The following NCOR2 variants were observed in gnomAD, a reference collection of about 807,000 sequenced individuals.
NCOR2 encodes the protein nuclear receptor corepressor 2, also known as CTG repeat protein 26.
NCOR2 carries 81 observed loss-of-function variants against 262.9 expected under a neutral mutation model. The ratio of observed to expected loss-of-function variants is 0.31; its 90% CI spans 0.26 to 0.37. The LOEUF (loss-of-function observed/expected upper bound fraction) is 0.37. NCOR2 is among the 10% of genes least tolerant of loss of function. The pLI is 1.00. For synonymous variants in NCOR2, 1,659 were observed against 1,559.3 expected, an observed-to-expected ratio of 1.06 and a Z score of -1.51; for missense variants, 3,385 against 3,621.4, an observed-to-expected ratio of 0.93 and a Z score of 1.68.
intron 6 of NCOR2, among the ~76,000 whole-genome samples, chr12:124,451,400 AATC>A (rs1191335603): frequency 1.3e-5 from 2 of 152,206 alleles, no homozygotes; most frequent in Non-Finnish European, 2.9e-5. Context: ...TAACTGATAC[AATC>A]ATCCCCCACT....
intron 18 of NCOR2, among the ~76,000 whole-genome samples, chr12:124,377,905 G>C (rs2040140076): frequency 6.6e-6 from 1 of 152,072 alleles, no homozygotes; most frequent in East Asian, 1.9e-4. Context: ...CATCGGATGG[G>C]GTGAAAGACA....
chr12:124,339,129 ACCCAC>A lies in NCOR2; in HGVS notation c.5687+872_5687+876del, dbSNP rs1327309902. ...ACCTACCTACCTACTTAACCCAACC[ACCCAC>A]CCACCCATCCATCCATCCACCCAGT... On this transcript the variant is annotated intron_variant, in intron 37 of 46. Transcript: ENST00000405201. 9.2e-3 allele frequency among the ~76,000 whole-genome samples: 21 copies of A among 2,284 alleles called. No homozygotes were observed. In the East Asian group the frequency reaches 0.34, roughly 38 times the overall value. 1.5% of individuals were successfully genotyped at this position (2,284 alleles called of 152,430 possible). A position where few individuals can be genotyped will look rare whatever the true frequency, so the allele number is the denominator to read the frequency against.
chr12:124,411,142 G>A (rs1046257317), intron 13 of NCOR2, among the ~76,000 whole-genome samples: 2 of 151,796 alleles, frequency 1.3e-5, no homozygotes, highest in Non-Finnish European at 2.9e-5. Flanking sequence ...GAAAGAGAGA[G>A]AGACGGGAAA....
At chr12:124,427,266 G>A (rs1464131364) in intron 10 of NCOR2, among the ~76,000 whole-genome samples, 3 of 152,146 alleles carry the variant, frequency 2.0e-5, no homozygotes, top group Non-Finnish European at 4.4e-5. Flanking sequence ...CGCCTCGCTG[G>A]TGGAGAGGTC....
At chr12:124,436,088 G>A (rs746602614) in intron 8 of NCOR2, among the ~76,000 whole-genome samples, 13 of 152,218 alleles carry the variant, frequency 8.5e-5, no homozygotes, top group South Asian at 6.2e-4. Context: ...GACAGGGCCC[G>A]TGTCACAGCA....
chr12:124,427,506 G>A (rs1262115906), intron 10 of NCOR2, among the ~76,000 whole-genome samples: 1 of 152,228 alleles, frequency 6.6e-6, no homozygotes, highest in African/African-American at 2.4e-5. Flanking sequence ...AGGTAGGCGA[G>A]GACTCCGCGT....
intron 10 of NCOR2, among the ~76,000 whole-genome samples, chr12:124,427,984 C>T (rs2043653473): frequency 6.6e-6 from 1 of 151,866 alleles, no homozygotes; most frequent in Non-Finnish European, 1.5e-5. Flanking sequence ...CCACCCTTCA[C>T]CCCGGACACA....
chr12:124,375,866 C>T (rs1349843996), intron 18 of NCOR2, among the ~76,000 whole-genome samples: 2 of 152,212 alleles, frequency 1.3e-5, no homozygotes, highest in Non-Finnish European at 2.9e-5. Flanking sequence ...CAACAAGACG[C>T]TTTCCACTGC....
Position 124,479,871 on chromosome 12 carries a change from C to T in NCOR2, c.411+3725G>A, listed in dbSNP as rs113822913. Among the ~76,000 whole-genome samples the T allele has an allele frequency of 3.3e-5, 5 of 152,326 alleles. 2 individuals are homozygous for T. Among genetic ancestry groups the T allele is most frequent in the African/African-American group, 1.2e-4 (5 of 41,574 alleles). ...TGCCTGGGCCTGAATCCCGTTCCCCCACGTCCAGCTCGCTCAGCCTGGGGC... is the reference window on the plus strand; with the variant it reads ...TGCCTGGGCCTGAATCCCGTTCCCCTACGTCCAGCTCGCTCAGCCTGGGGC... On this transcript the variant is annotated intron_variant, in intron 3 of 46. Coordinates refer to ENST00000405201, the Ensembl canonical transcript of NCOR2.
chr12:124,344,537 G>A, intron 32 of NCOR2, 60 bp downstream of exon 34: 1 of 1,364,328 alleles, frequency 7.3e-7, no homozygotes. Context: ...GGTGGATGGG[G>A]AGGCACAGCT....
At position 124,443,756 on chromosome 12, in the gene NCOR2, C is replaced by T. The variant is rs1004523075; in HGVS notation, c.816-5760G>A. Among the ~76,000 whole-genome samples the T allele has an allele frequency of 2.0e-5, 3 of 152,210 alleles. No homozygotes were observed. Among genetic ancestry groups the T allele is most frequent in the Admixed American group, 6.5e-5 (1 of 15,288 alleles). On this transcript the variant is annotated intron_variant, in intron 7 of 46. Transcript: ENST00000405201. The surrounding 1 kb of genome is among the most constrained non-coding windows in gnomAD (Gnocchi z 4.4). ...GACCTCATGATCTGCCTGCCTCAGC[C>T]TCCCAAAGTGCTGGGATTACAGGTG...
chr12:124,451,132 A>C (rs1008942195), intron 6 of NCOR2, among the ~76,000 whole-genome samples: 1 of 152,286 alleles, frequency 6.6e-6, no homozygotes, highest in Non-Finnish European at 1.5e-5. Context: ...TGTTTCTGTC[A>C]AGAGAATGAG....
chr12:124,469,786 T>C (rs1420201589), intron 4 of NCOR2, among the ~76,000 whole-genome samples: 2 of 152,222 alleles, frequency 1.3e-5, no homozygotes, highest in Non-Finnish European at 2.9e-5. Flanking sequence ...AAGGGCTCTC[T>C]AATGCAAATC....
At chr12:124,426,889 G>A in intron 10 of NCOR2, 89 bp from the exon 13 acceptor site, 1 of 1,299,906 alleles carries the variant, frequency 7.7e-7, no homozygotes, top group Non-Finnish European at 1.0e-6. Context: ...AGAGGGGACG[G>A]ATGGTCTGCG....
intron 4 of NCOR2, among the ~76,000 whole-genome samples, chr12:124,470,167 G>GA (rs56145231): frequency 0.16 from 17,001 of 104,658 alleles, 1,143 homozygotes; most frequent in East Asian, 0.22. Flanking sequence ...ATCCATCTCA[G>GA]AAAAAAAAAA....
intron 7 of NCOR2, among the ~76,000 whole-genome samples, chr12:124,444,918 G>A (rs2045043741): frequency 6.6e-6 from 1 of 152,140 alleles, no homozygotes; most frequent in Admixed American, 6.5e-5. Context: ...GAATTTGTCT[G>A]TGTGACCCTG....
chr12:124,366,381 C>T (rs1243387377), intron 20 of NCOR2, among the ~76,000 whole-genome samples: 3 of 150,276 alleles, frequency 2.0e-5, no homozygotes, highest in Non-Finnish European at 4.5e-5. Context: ...AAGTCCAGAA[C>T]GGGCCAATCC....
chr12:124,510,895 G>A (rs1000391542), intron 1 of NCOR2, among the ~76,000 whole-genome samples: 1 of 152,110 alleles, frequency 6.6e-6, no homozygotes, highest in African/African-American at 2.4e-5. Context: ...GCCCAGCTCC[G>A]TGACCTCCCT....
intron 28 of NCOR2, 57 bp from the exon 31 acceptor site, chr12:124,348,371 G>A (rs1031267142): frequency 1.4e-5 from 22 of 1,541,792 alleles, no homozygotes; most frequent in Non-Finnish European, 1.8e-5. Flanking sequence ...GGACCACGGT[G>A]GGCAGGCAGG....
Sources: gnomAD v4.1 joint callset for allele counts (sites outside exome capture counted in the v4.1 genomes callset) on GRCh38, gnomAD v4.1.1 for gene constraint, Gnocchi (gnomAD v3.1) non-coding constraint, MANE v1.5 for transcripts, NCBI Gene and HGNC (gene_info 2026-07-23, HGNC 2026-07-21) for gene names.